PATE3: variants seen among roughly 807,000 people sequenced by gnomAD.
PATE3 encodes prostate and testis expressed 3.
Under a neutral mutation model 7.4 loss-of-function variants are expected in PATE3, and 7 were observed. That is an observed-to-expected ratio of 0.95 (90% CI 0.54 to 1.78). The LOEUF (loss-of-function observed/expected upper bound fraction) is 1.78, where lower values mean the gene tolerates loss of function less well. Among genes scored for constraint, PATE3 ranks in the 40% most tolerant of loss-of-function variants. The pLI is 0.00. For synonymous variants in PATE3, 38 were observed against 40.2 expected (o/e 0.94, Z 0.21); for missense variants, 117 against 122.5 (o/e 0.96, Z 0.21).
chr11:125,790,528 A>G lies in PATE3; in HGVS notation c.223A>G (p.Met75Val). The G allele has an allele frequency of 6.4e-7, 1 of 1,550,944 alleles. No individual in the cohort carries two copies. The highest frequency in any genetic ancestry group is 8.7e-7 in the Non-Finnish European group (1 of 1,146,352). Reference sequence around the variant, plus strand: ...GGTGTGTCAGAAATTCTGCAGAGACATGACATTTGATCTCAGGAATCGGAC... The same window carrying G: ...GGTGTGTCAGAAATTCTGCAGAGACGTGACATTTGATCTCAGGAATCGGAC... ...YMVCQKFCRD[M>V]TFDLRNRTYV... The change falls in exon 3 of 3, where the codon ATG (methionine) becomes GTG (valine). Residue 75 changes from methionine to valine, a missense_variant. Physicochemically the swap from Met to Val is conservative, Grantham distance 21 (BLOSUM62 1). Transcript: ENST00000445202.
chr11:125,789,475 G>T lies in PATE3; in HGVS notation c.139G>T (p.Gly47Cys). ...RGFGVCTAQK[G>C]EACMLLRIYQ... ...CTTTGGTGTCTGTACTGCTCAGAAG[G>T]GCGAGGCATGCATGCTCTTAAGGAT... The change falls in exon 2 of 3, where the codon GGC becomes TGC. Residue 47 changes from glycine (G) to cysteine (C), a missense_variant. Coordinates refer to ENST00000445202, the MANE Select transcript of PATE3 (RefSeq NM_001129883.4). 1 of 1,551,570 alleles carries T rather than the reference G, an allele frequency of 6.4e-7. No individual in the cohort carries two copies. The highest frequency in any genetic ancestry group is 8.7e-7 in the Non-Finnish European group (1 of 1,146,900).
intron 2 of PATE3, among the ~76,000 whole-genome samples, chr11:125,790,123 T>C (rs1429257489): frequency 6.6e-6 from 1 of 152,174 alleles, no homozygotes; most frequent in Non-Finnish European, 1.5e-5. Flanking sequence ...AGAGTGGTGG[T>C]TACCAAAGGC....
Position 125,790,533 on chromosome 11 carries a change from A to G in PATE3, c.228A>G (p.Thr76=). 1 of 1,551,012 alleles carries G rather than the reference A, an allele frequency of 6.4e-7. No homozygotes were observed. The highest frequency in any genetic ancestry group is 8.7e-7 in the Non-Finnish European group (1 of 1,146,402). The change falls in exon 3 of 3, where the codon ACA becomes ACG. Residue 76 remains threonine (T), a synonymous_variant. Coordinates refer to ENST00000445202, the MANE Select transcript of PATE3 (RefSeq NM_001129883.4). Reference sequence around the variant, plus strand: ...GTCAGAAATTCTGCAGAGACATGACATTTGATCTCAGGAATCGGACTTATG... The same window carrying G: ...GTCAGAAATTCTGCAGAGACATGACGTTTGATCTCAGGAATCGGACTTATG... ...MVCQKFCRDM[T]FDLRNRTYVH... is the part of the protein sequence containing the mutation.
rs372641375 is a variant in PATE3 at position 125,789,411 on chromosome 11, A to T, written c.75A>T (p.Thr25=). The change falls in exon 2 of 3, where the codon ACA becomes ACT. Residue 25 remains threonine (T), a synonymous_variant. Transcript: ENST00000445202. ...CAGTGACATCACTTCAGTGCATAAC[A>T]TGCCACCTTCGCACACGGACAGACC... is the stretch of plus-strand genomic sequence containing the variant. ...IVAVTSLQCI[T]CHLRTRTDRC... is the part of the protein sequence containing the mutation. The T allele has an allele frequency of 2.6e-6, 4 of 1,551,576 alleles. No homozygotes were observed. Among genetic ancestry groups the T allele is most frequent in the Non-Finnish European group, 3.5e-6 (4 of 1,146,900 alleles).
intron 1 of PATE3, among the ~76,000 whole-genome samples, chr11:125,788,456 C>T (rs1012056765): frequency 4.5e-4 from 69 of 152,160 alleles, no homozygotes; most frequent in African/African-American, 1.6e-3. Context: ...CCTACCATTC[C>T]CCATAATCCC....
Position 125,790,379 on chromosome 11 carries a change from C to T in PATE3, c.173-99C>T. On this transcript the variant is annotated intron_variant, in intron 2 of 2. Coordinates refer to ENST00000445202, the MANE Select transcript of PATE3 (RefSeq NM_001129883.4). ...AGCTGGGAAGCCATTCCTCAACCTA[C>T]CCTAATTAAATTTTCACCAACAGAA... The T allele has an allele frequency of 2.4e-6, 3 of 1,241,254 alleles. No individual in the cohort carries two copies. In the South Asian group the frequency reaches 4.7e-5, roughly 20 times the overall value. The allele number at this position is 1,241,254 out of a possible 1,614,324, so 76.9% of individuals were successfully genotyped here.
At chr11:125,788,836 C>T (rs1033420448) in intron 1 of PATE3, among the ~76,000 whole-genome samples, 1 of 152,110 alleles carries the variant, frequency 6.6e-6, no homozygotes, top group African/African-American at 2.4e-5. Context: ...TGCTACTTTC[C>T]TTTCTCATTC....
In PATE3 at chr11:125,788,166, C is replaced by A; in HGVS notation, c.15C>A (p.Phe5Leu). 1.3e-6 allele frequency: 2 copies of A among 1,551,470 alleles called. No individual in the cohort carries two copies. The highest frequency in any genetic ancestry group is 1.7e-6 in the Non-Finnish European group (2 of 1,146,818). Residue 5 changes from phenylalanine (F) to leucine (L), a missense_variant, in exon 1 of 3, where the codon TTC (phenylalanine) becomes TTA (leucine). Coordinates refer to ENST00000445202, the MANE Select transcript of PATE3 (RefSeq NM_001129883.4). ...TCCGGGTCAGGATGAACAAACACTT[C>A]TTGTTCCTCTTCCTCCTTTACTGCC... The part of the protein sequence containing the change: MNKH[F>L]LFLFLLYCLI...
rs74859808 is a variant in PATE3, at chr11:125,789,716, G to A, written c.172+208G>A. On this transcript the variant is annotated intron_variant, in intron 2 of 2. Transcript: ENST00000445202. ...GGGATTCTATATTTCCAAGAAAACT[G>A]ACCAAACAGATTTTTTTTTGATAAT... Among the ~76,000 whole-genome samples, 733 of 152,252 alleles carry A rather than the reference G, an allele frequency of 4.8e-3. 14 individuals are homozygous for A. Among genetic ancestry groups the A allele is most frequent in the Non-Finnish European group, 6.8e-3 (464 of 68,004 alleles).
intron 2 of PATE3, 48 bp from the exon 3 acceptor site, chr11:125,790,430 G>A: frequency 6.6e-7 from 1 of 1,523,682 alleles, no homozygotes; most frequent in Non-Finnish European, 8.8e-7. Flanking sequence ...ACTCACCTTG[G>A]AGAGCTTAAA....
At chr11:125,790,007 G>T (rs185183479) in intron 2 of PATE3, among the ~76,000 whole-genome samples, 2 of 152,212 alleles carry the variant, frequency 1.3e-5, no homozygotes, top group Non-Finnish European at 2.9e-5. Flanking sequence ...GAGCCTGGAG[G>T]TCATTATATT....
chr11:125,791,297 CT>C lies in PATE3; in HGVS notation c.*698del, dbSNP rs1228648523. Reference sequence around the variant, plus strand: ...TTCCTTTCCTAAACCTTCTCTCTTCCTTTCCCCCTTTGCCATTCACCTTTAC... The same window carrying C: ...TTCCTTTCCTAAACCTTCTCTCTTCCTTCCCCCTTTGCCATTCACCTTTAC... On this transcript the variant is annotated 3_prime_UTR_variant, in exon 3 of 3. Coordinates refer to ENST00000445202, the MANE Select transcript of PATE3 (RefSeq NM_001129883.4). The C allele has an allele frequency of 1.3e-5, 2 of 152,214 alleles. No individual in the cohort carries two copies. Among genetic ancestry groups the C allele is most frequent in the Non-Finnish European group, 2.9e-5 (2 of 68,098 alleles). 9.4% of individuals were successfully genotyped at this position (152,214 alleles called of 1,614,324 possible). A position where few individuals can be genotyped will look rare whatever the true frequency, so the allele number is the denominator to read the frequency against.
At chr11:125,789,623 G>A in intron 2 of PATE3, 115 bp downstream of exon 2, 5 of 1,174,610 alleles carry the variant, frequency 4.3e-6, no homozygotes, top group Non-Finnish European at 5.8e-6. Context: ...GAGCACAGGT[G>A]GTAGCACAGG....
intron 2 of PATE3, 102 bp from the exon 3 acceptor site, chr11:125,790,376 C>G: frequency 8.2e-7 from 1 of 1,217,054 alleles, no homozygotes; most frequent in Non-Finnish European, 1.1e-6. Context: ...ATTCCTCAAC[C>G]TACCCTAATT....
chr11:125,790,259 T>C (rs960717798), intron 2 of PATE3, among the ~76,000 whole-genome samples: 1 of 152,166 alleles, frequency 6.6e-6, no homozygotes, highest in Non-Finnish European at 1.5e-5. Flanking sequence ...AGCAGCTACA[T>C]AGAGTTGAGG....
Position 125,790,797 on chromosome 11 carries a change from T to C in PATE3, c.*195T>C. On this transcript the variant is annotated 3_prime_UTR_variant, in exon 3 of 3. Transcript: ENST00000445202. ...TTCTCCCTCAGTCAGAGAATAGTGGTTCTGAACAATGGATTTCTTCTATTA... is the reference window on the plus strand; with the variant it reads ...TTCTCCCTCAGTCAGAGAATAGTGGCTCTGAACAATGGATTTCTTCTATTA... The C allele has an allele frequency of 4.0e-6, 2 of 504,822 alleles. No homozygotes were observed. Among genetic ancestry groups the C allele is most frequent in the Non-Finnish European group, 3.4e-6 (1 of 291,968 alleles). The allele number at this position is 504,822 out of a possible 1,614,324, so 31.3% of individuals were successfully genotyped here. A position where few individuals can be genotyped will look rare whatever the true frequency, so the allele number is the denominator to read the frequency against.
In PATE3 at chr11:125,789,526, G is replaced by A; in HGVS notation, c.172+18G>A. The A allele has an allele frequency of 1.9e-6, 3 of 1,543,704 alleles. No individual in the cohort carries two copies. Among genetic ancestry groups the A allele is most frequent in the Non-Finnish European group, 1.8e-6 (2 of 1,141,158 alleles). On this transcript the variant is annotated intron_variant, in intron 2 of 2. Coordinates refer to ENST00000445202, the MANE Select transcript of PATE3 (RefSeq NM_001129883.4). ...TTACCAGCGTAAGTTAGAGGGTCAGGGAAGGTGTTGTAAGATTCTTAGAAT... is the reference window on the plus strand; with the variant it reads ...TTACCAGCGTAAGTTAGAGGGTCAGAGAAGGTGTTGTAAGATTCTTAGAAT...
At chr11:125,789,013 G>A (rs1053679353) in intron 1 of PATE3, among the ~76,000 whole-genome samples, 1 of 152,082 alleles carries the variant, frequency 6.6e-6, no homozygotes, top group Non-Finnish European at 1.5e-5. Flanking sequence ...AGTAACAATA[G>A]CTTTGGTGAA....
At chr11:125,790,170 T>A (rs1223845184) in intron 2 of PATE3, among the ~76,000 whole-genome samples, 1 of 152,222 alleles carries the variant, frequency 6.6e-6, no homozygotes, top group Admixed American at 6.5e-5. Flanking sequence ...GAAGACAGTC[T>A]GGTTAATGAC....
Sources: gnomAD v4.1 joint callset for allele counts (sites outside exome capture counted in the v4.1 genomes callset) on GRCh38, gnomAD v4.1.1 for gene constraint, MANE v1.5 for transcripts, NCBI Gene and HGNC (gene_info 2026-07-23, HGNC 2026-07-21) for gene names.